The following ZFYVE28 variants were observed in gnomAD, a reference collection of about 807,000 sequenced individuals.
The protein encoded by ZFYVE28 is lateral signaling target protein 2 homolog.
Under a neutral mutation model 82.1 loss-of-function variants are expected in ZFYVE28, and 40 were observed. The observed-to-expected ratio is 0.49, with a 90% CI of 0.38 to 0.63. The LOEUF is 0.63. Ranked by LOEUF, ZFYVE28 falls within the 30% of genes least tolerant of loss-of-function variation. The pLI is 0.00. For missense variants in ZFYVE28, 1,321 were observed against 1,242.1 expected (o/e 1.06, Z -0.96); for synonymous variants, 612 against 546.1 (o/e 1.12, Z -1.68).
intron 1 of ZFYVE28, among the ~76,000 whole-genome samples, chr4:2,410,965 G>GT (rs1490780813): frequency 1.8e-4 from 27 of 152,100 alleles, no homozygotes; most frequent in African/African-American, 6.5e-4. Flanking sequence ...GCTTTTAGGT[G>GT]TTTTTTGTAA....
chr4:2,331,073 G>A (rs539637398), intron 6 of ZFYVE28: 291 of 1,045,186 alleles, frequency 2.8e-4, no homozygotes, highest in Middle Eastern at 2.6e-3. Context: ...AGGGGTAGAC[G>A]CTGGGATGGG....
chr4:2,280,636 A>C (rs1711835104), intron 8 of ZFYVE28, among the ~76,000 whole-genome samples: 1 of 152,246 alleles, frequency 6.6e-6, no homozygotes, highest in Non-Finnish European at 1.5e-5. Context: ...GATTACAGGT[A>C]AATTATCATT....
At position 2,270,537 on chromosome 4, in the gene ZFYVE28, A is replaced by G; in HGVS notation, c.*188T>C. On this transcript the variant is annotated 3_prime_UTR_variant, in exon 13 of 13. Transcript: ENST00000290974. ...AAGCTGACCTCTTGTTGGCCCCTGC[A>G]GCCGGCCCGGGGTCCCTGCAGGGAG... The G allele has an allele frequency of 3.6e-6, 3 of 830,286 alleles. No homozygotes were observed. Among genetic ancestry groups the G allele is most frequent in the Admixed American group, 5.7e-5 (2 of 34,974 alleles). 51.4% of individuals were successfully genotyped at this position (830,286 alleles called of 1,614,324 possible).
intron 1 of ZFYVE28, among the ~76,000 whole-genome samples, chr4:2,380,037 G>A (rs1728573086): frequency 6.6e-6 from 1 of 152,126 alleles, no homozygotes; most frequent in Non-Finnish European, 1.5e-5. Context: ...GGCACTGAGT[G>A]TTAGCATTTT....
chr4:2,392,373 G>A (rs757168243), intron 1 of ZFYVE28, among the ~76,000 whole-genome samples: 21 of 152,270 alleles, frequency 1.4e-4, no homozygotes, highest in Non-Finnish European at 2.4e-4. Context: ...AATCCAATGC[G>A]TAAGTACATC....
Position 2,417,243 on chromosome 4 carries a change from C to T in ZFYVE28, c.39+1042G>A, listed in dbSNP as rs79452497. Among the ~76,000 whole-genome samples, 187 of 152,302 alleles carry T rather than the reference C, an allele frequency of 1.2e-3. No homozygotes were observed. The highest frequency in any genetic ancestry group is 6.8e-3 in the Middle Eastern group (2 of 292). On this transcript the variant is annotated intron_variant, in intron 1 of 12. Transcript: ENST00000290974. This position sits in a 1 kb window ranked among gnomAD's most constrained non-coding sequence, Gnocchi z 4.8. ...CTCCCCCAAGATCTCAGGGCCCGGG[C>T]CTCCCCGCTGCGCCGGCCCCAGGGT...
chr4:2,329,165 G>A (rs1018973413), intron 6 of ZFYVE28: 1 of 692,660 alleles, frequency 1.4e-6, no homozygotes, highest in East Asian at 2.7e-5. Context: ...AAGGCCAATG[G>A]AGTTTCGACA....
chr4:2,301,414 C>T (rs910548445), intron 8 of ZFYVE28, among the ~76,000 whole-genome samples: 1 of 152,182 alleles, frequency 6.6e-6, no homozygotes, highest in Non-Finnish European at 1.5e-5. Context: ...TCCTGATCAC[C>T]CTGTGATGTG....
intron 1 of ZFYVE28, among the ~76,000 whole-genome samples, chr4:2,374,660 G>A (rs529029732): frequency 1.3e-5 from 2 of 151,770 alleles, no homozygotes; most frequent in African/African-American, 4.8e-5. Context: ...GGAGGAGGGG[G>A]AAAATTGGTT....
chr4:2,314,248 A>T (rs528642725), intron 7 of ZFYVE28, among the ~76,000 whole-genome samples: 61 of 152,308 alleles, frequency 4.0e-4, no homozygotes, highest in African/African-American at 1.3e-3. Flanking sequence ...TGCATGGTTT[A>T]TGTTGTCTAT....
chr4:2,358,068 A>C (rs1725597629), intron 1 of ZFYVE28, among the ~76,000 whole-genome samples: 1 of 152,142 alleles, frequency 6.6e-6, no homozygotes, highest in African/African-American at 2.4e-5. Context: ...CTCTGAGCAA[A>C]GAATGGGGTA....
At chr4:2,293,799 T>A (rs1340259316) in intron 8 of ZFYVE28, among the ~76,000 whole-genome samples, 2 of 151,098 alleles carry the variant, frequency 1.3e-5, no homozygotes, top group African/African-American at 2.4e-5. Context: ...AAAAATCAGT[T>A]ATAGCTATAT....
chr4:2,297,255 G>A (rs576305983), intron 8 of ZFYVE28, among the ~76,000 whole-genome samples: 1 of 152,336 alleles, frequency 6.6e-6, no homozygotes, highest in South Asian at 2.1e-4. Context: ...GAGGGGCCCA[G>A]GAGGATTTGC....
chr4:2,327,233 G>A (rs189952505), intron 6 of ZFYVE28, among the ~76,000 whole-genome samples: 3,041 of 132,530 alleles, frequency 0.023, 143 homozygotes, highest in African/African-American at 0.083. Context: ...CTGGGTGACG[G>A]AGCAAGACTC....
At chr4:2,359,202 C>T (rs1375496016) in intron 1 of ZFYVE28, among the ~76,000 whole-genome samples, 3 of 151,430 alleles carry the variant, frequency 2.0e-5, no homozygotes, top group Non-Finnish European at 4.4e-5. Context: ...AGGATGGTCT[C>T]GATCACCTGA....
intron 2 of ZFYVE28, among the ~76,000 whole-genome samples, 184 bp downstream of exon 2, chr4:2,353,749 G>T (rs780466178): frequency 6.6e-6 from 1 of 152,040 alleles, no homozygotes; most frequent in African/African-American, 2.4e-5. Context: ...CTTCCAGCCC[G>T]GCTACCCACC....
intron 1 of ZFYVE28, among the ~76,000 whole-genome samples, chr4:2,390,741 T>A (rs1382594148): frequency 1.3e-5 from 2 of 152,276 alleles, no homozygotes; most frequent in Non-Finnish European, 2.9e-5. Flanking sequence ...GTTTAGTTTA[T>A]GATAAGCGTG....
rs1443209773 is a variant in ZFYVE28, at chr4:2,339,922, C to A, written c.319-267G>T. Among the ~76,000 whole-genome samples the A allele has an allele frequency of 5.2e-5, 4 of 76,964 alleles. No individual in the cohort carries two copies. Among genetic ancestry groups the A allele is most frequent in the Non-Finnish European group, 1.0e-4 (4 of 39,438 alleles). 50.5% of individuals were successfully genotyped at this position (76,964 alleles called of 152,430 possible). A position where few individuals can be genotyped will look rare whatever the true frequency, so the allele number is the denominator to read the frequency against. On this transcript the variant is annotated intron_variant, in intron 3 of 12. Coordinates refer to ENST00000290974, the MANE Select transcript of ZFYVE28 (RefSeq NM_020972.3). The surrounding 1 kb of genome is among the most constrained non-coding windows in gnomAD (Gnocchi z 5.0). ...CAGGGCATGGCAGGGCAGGTAAGGG[C>A]AGGGGAGGGGAGGGCAGGGGAGGGG...
chr4:2,394,165 T>C lies in ZFYVE28; in HGVS notation c.39+24120A>G, dbSNP rs1164879787. 6.6e-6 allele frequency among the ~76,000 whole-genome samples: 1 copy of C among 152,124 alleles called. No homozygotes were observed. Among genetic ancestry groups the C allele is most frequent in the East Asian group, 1.9e-4 (1 of 5,202 alleles). ...TCTCCACTACTGAGGACTCCTGTGG[T>C]TCCACTGGGGCCACCGACATAATCC... is the stretch of plus-strand genomic sequence containing the variant. On this transcript the variant is annotated intron_variant, in intron 1 of 12. Coordinates refer to ENST00000290974, the MANE Select transcript of ZFYVE28 (RefSeq NM_020972.3). The surrounding 1 kb of genome is among the most constrained non-coding windows in gnomAD (Gnocchi z 4.0).
Sources: allele counts gnomAD v4.1 joint callset (sites outside exome capture counted in the v4.1 genomes callset), GRCh38; gene constraint gnomAD v4.1.1; non-coding constraint Gnocchi (gnomAD v3.1); transcripts MANE v1.5; gene names NCBI Gene and HGNC (gene_info 2026-07-23, HGNC 2026-07-21).